Variants in SIRT4 observed in about 807,000 individuals in gnomAD.
SIRT4 encodes sirtuin 4.
A neutral mutation model predicts 26.1 loss-of-function variants in SIRT4; 23 were observed. That is an observed-to-expected ratio of 0.88 (90% CI 0.63 to 1.25). The LOEUF (loss-of-function observed/expected upper bound fraction) is 1.25, where lower values mean the gene tolerates loss of function less well. Among genes scored for constraint, SIRT4 ranks in the 50% most tolerant of loss-of-function variants. The probability of loss-of-function intolerance (pLI) is 0.00; values close to 1 mark genes in which losing one functional copy is unlikely to be tolerated. For synonymous variants in SIRT4, 155 were observed against 158.4 expected (o/e 0.98, Z 0.16); for missense variants, 361 against 405.4 (o/e 0.89, Z 0.94).
At chr12:120,308,442 G>C (rs1342778508) in intron 2 of SIRT4, among the ~76,000 whole-genome samples, 1 of 152,076 alleles carries the variant, frequency 6.6e-6, no homozygotes, top group Non-Finnish European at 1.5e-5. Flanking sequence ...CAAAGCGCTG[G>C]GATTACAGGC....
At chr12:120,292,499 G>C in the SIRT4 span, among the ~76,000 whole-genome samples, 2 of 152,226 alleles carry the variant, frequency 1.3e-5, no homozygotes, top group Admixed American at 6.5e-5. Flanking sequence ...AGCTAGTCGG[G>C]AGGCTGAGGC....
At position 120,312,954 on chromosome 12, in the gene SIRT4, G is replaced by C. The variant is rs1271989889; in HGVS notation, c.863G>C (p.Gly288Ala). ...KKLPIAILNI[G>A]PTRSDDLACL... ...CTCCCGATTGCAATACTGAACATTG[G>C]GCCCACACGGTCGGATGACTTGGCG... Residue 288 changes from glycine (G) to alanine (A), a missense_variant, in exon 4 of 4, where the codon GGG becomes GCG. Coordinates refer to ENST00000202967, the MANE Select transcript of SIRT4 (RefSeq NM_012240.3). 3.1e-6 allele frequency: 5 copies of C among 1,613,958 alleles called. No individual in the cohort carries two copies. Among genetic ancestry groups the C allele is most frequent in the African/African-American group, 2.7e-5 (2 of 74,874 alleles).
intron 2 of SIRT4, among the ~76,000 whole-genome samples, chr12:120,309,572 C>T (rs1185187621): frequency 2.0e-5 from 3 of 151,664 alleles, no homozygotes; most frequent in Non-Finnish European, 2.9e-5. Context: ...CCACCATGCC[C>T]GGCTAATTTT....
upstream of SIRT4, among the ~76,000 whole-genome samples, chr12:120,302,072 A>AG (rs1872570615): frequency 6.6e-6 from 1 of 151,774 alleles, no homozygotes; most frequent in East Asian, 1.9e-4. Flanking sequence ...AAAAAAAAAA[A>AG]GAAAAAAGAA....
chr12:120,299,632 A>G (rs1872474499), upstream of SIRT4, among the ~76,000 whole-genome samples: 1 of 152,154 alleles, frequency 6.6e-6, no homozygotes, highest in African/African-American at 2.4e-5. Context: ...GTGTGGGAGC[A>G]GTTCCATCAG....
In SIRT4 at chr12:120,303,811, C is replaced by G. The variant is rs199996507; in HGVS notation, c.250C>G (p.Arg84Gly). The change falls in exon 2 of 4, where the codon CGC becomes GGC. Residue 84 changes from arginine to glycine, a missense_variant. Arg to Gly is a moderately radical substitution (Grantham distance 125). Transcript: ENST00000202967. ...GTCAGAAAAAGTGGGGCTTTATGCC[C>G]GCACTGACCGCAGGCCCATCCAGCA... ...YRSEKVGLYA[R>G]TDRRPIQHGD... 6.2e-7 allele frequency: 1 copy of G among 1,614,108 alleles called. No individual in the cohort carries two copies. The highest frequency in any genetic ancestry group is 1.3e-5 in the African/African-American group (1 of 75,034).
chr12:120,304,905 G>A (rs1872695768), intron 2 of SIRT4, among the ~76,000 whole-genome samples: 1 of 146,148 alleles, frequency 6.8e-6, no homozygotes, highest in South Asian at 2.1e-4. Context: ...TGTAATCCCA[G>A]CACTTTGGGA....
the SIRT4 span, among the ~76,000 whole-genome samples, chr12:120,293,853 TA>T: frequency 1.2e-3 from 2 of 1,716 alleles, no homozygotes; most frequent in African/African-American, 0.028. Flanking sequence ...GTGAGTACTT[TA>T]TATATATATA....
intron 2 of SIRT4, among the ~76,000 whole-genome samples, chr12:120,311,048 T>TAAAAAAA (rs761606021): frequency 7.2e-5 from 5 of 69,300 alleles, no homozygotes; most frequent in South Asian, 8.2e-4. Flanking sequence ...CCCTGTCTCT[T>TAAAAAAA]AAAAAAAAAA....
the SIRT4 span, among the ~76,000 whole-genome samples, chr12:120,292,272 TG>T: frequency 6.6e-6 from 1 of 151,630 alleles, no homozygotes; most frequent in Non-Finnish European, 1.5e-5. Context: ...TGGGGGGAGT[TG>T]GGAATAATTT....
chr12:120,308,047 G>A (rs975817973), intron 2 of SIRT4, among the ~76,000 whole-genome samples: 4 of 151,866 alleles, frequency 2.6e-5, no homozygotes, highest in Middle Eastern at 3.2e-3. Flanking sequence ...AATAGAGACA[G>A]GATCTTGCTG....
chr12:120,312,356 C>G, intron 2 of SIRT4, 100 bp from the exon 3 acceptor site: 1 of 1,091,060 alleles, frequency 9.2e-7, no homozygotes, highest in Non-Finnish European at 1.3e-6. Flanking sequence ...GGAAAGAAAG[C>G]AGCGATGGAA....
In SIRT4 at chr12:120,309,156, T is replaced by C. The variant is rs144522503; in HGVS notation, c.498-3300T>C. Among the ~76,000 whole-genome samples, 402 of 152,228 alleles carry C rather than the reference T, an allele frequency of 2.6e-3. 1 individual carries two copies. Among genetic ancestry groups the C allele is most frequent in the Middle Eastern group, 0.017 (5 of 294 alleles). On this transcript the variant is annotated intron_variant, in intron 2 of 3. Transcript: ENST00000202967. ...ACTGTTGTGCCATTGCCCTCCAGCCTGGGCGACAAGAGTGAAACTCTGTCT... is the reference window on the plus strand; with the variant it reads ...ACTGTTGTGCCATTGCCCTCCAGCCCGGGCGACAAGAGTGAAACTCTGTCT...
chr12:120,309,036 G>A (rs1014744288), intron 2 of SIRT4, among the ~76,000 whole-genome samples: 4 of 151,994 alleles, frequency 2.6e-5, no homozygotes, highest in South Asian at 2.1e-4. Context: ...AAAATTAGCC[G>A]GGCATGGTGG....
At chr12:120,293,103 T>C in the SIRT4 span, 20 of 152,234 alleles carry the variant, frequency 1.3e-4, no homozygotes, top group South Asian at 2.1e-4. Flanking sequence ...TCAGTCTCCG[T>C]AGAGACTGTC....
At chr12:120,291,805 T>A in the SIRT4 span, 1 of 152,194 alleles carries the variant, frequency 6.6e-6, no homozygotes, top group Non-Finnish European at 1.5e-5. Flanking sequence ...CGACTATATT[T>A]CAAGTCGTCA....
the SIRT4 span, chr12:120,291,872 C>CT: frequency 6.6e-6 from 1 of 152,150 alleles, no homozygotes; most frequent in Non-Finnish European, 1.5e-5. Flanking sequence ...GGATAAACCT[C>CT]ATTGGCTACG....
intron 2 of SIRT4, among the ~76,000 whole-genome samples, chr12:120,304,651 GA>G (rs1278060210): frequency 2.7e-3 from 394 of 143,888 alleles, no homozygotes; most frequent in African/African-American, 8.3e-3. Flanking sequence ...AAGAAAAAAA[GA>G]AAAAAAAAAG....
chr12:120,304,166 C>G, intron 2 of SIRT4, 108 bp downstream of exon 2: 1 of 1,390,320 alleles, frequency 7.2e-7, no homozygotes, highest in Non-Finnish European at 9.6e-7. Context: ...AAAAGGATTT[C>G]AGAGCAAGTT....
Sources: allele counts gnomAD v4.1 joint callset (sites outside exome capture counted in the v4.1 genomes callset), GRCh38; gene constraint gnomAD v4.1.1; transcripts MANE v1.5; gene names NCBI Gene and HGNC (gene_info 2026-07-23, HGNC 2026-07-21).